The following RAI1 variants were observed in gnomAD, a reference collection of about 807,000 sequenced individuals.
The protein encoded by RAI1 is retinoic acid induced 1, also known as retinoic acid-induced protein 1.
A neutral mutation model predicts 123.8 loss-of-function variants in RAI1; 9 were observed. That is an observed-to-expected ratio of 0.07 (90% CI 0.04 to 0.13). The LOEUF (loss-of-function observed/expected upper bound fraction) is 0.13, where lower values mean the gene tolerates loss of function less well. Among genes scored for constraint, RAI1 ranks in the 10% least tolerant of loss-of-function variants. RAI1 has a pLI of 1.00. For missense variants in RAI1, 2,256 were observed against 2,545.8 expected, an observed-to-expected ratio of 0.89 and a Z score of 2.45; for synonymous variants, 1,231 against 1,127.3, an observed-to-expected ratio of 1.09 and a Z score of -1.84.
chr17:17,718,056 C>G (rs1045184660), intron 1 of RAI1, among the ~76,000 whole-genome samples: 9 of 152,174 alleles, frequency 5.9e-5, no homozygotes, highest in African/African-American at 2.2e-4. Flanking sequence ...GAAGACGCCT[C>G]GGTCTTGGCC....
intron 2 of RAI1, among the ~76,000 whole-genome samples, chr17:17,788,122 C>T (rs2031890120): frequency 6.6e-6 from 1 of 152,142 alleles, no homozygotes; most frequent in Non-Finnish European, 1.5e-5. Context: ...CCGTGGGATT[C>T]TTCCTTGAGC....
At chr17:17,746,375 G>A (rs1221920096) in intron 2 of RAI1, among the ~76,000 whole-genome samples, 2 of 152,206 alleles carry the variant, frequency 1.3e-5, no homozygotes, top group African/African-American at 4.8e-5. Context: ...CTTTCAGAGC[G>A]AGGCAGGCAG....
Position 17,798,197 on chromosome 17 carries a change from C to G in RAI1, c.5249C>G (p.Thr1750Ser). 2.5e-6 allele frequency: 4 copies of G among 1,612,790 alleles called. No individual in the cohort carries two copies. The highest frequency in any genetic ancestry group is 1.7e-6 in the Non-Finnish European group (2 of 1,179,858). ...GGTCCCGAGTGTGCAGCTGCCGCCA[C>G]TGCCGGGAAGCCCCCCAGGCCTGAC... is the stretch of plus-strand genomic sequence containing the variant. ...LKGPECAAAA[T>S]AGKPPRPDGP... The change falls in exon 3 of 6, where the codon ACT becomes AGT. Residue 1750 changes from threonine to serine, a missense_variant. Coordinates refer to ENST00000353383, the MANE Select transcript of RAI1 (RefSeq NM_030665.4).
rs1455069368 is a variant in RAI1, at chr17:17,800,883, G to A, written c.5565+2370G>A. ...CTGGTTCAAATCCCAGCTCTGCCGA[G>A]GGCTGGTTCCATAGCTCCAGGCGAG... On this transcript the variant is annotated intron_variant, in intron 3 of 5. Coordinates refer to ENST00000353383, the MANE Select transcript of RAI1 (RefSeq NM_030665.4). The surrounding 1 kb of genome is among the most constrained non-coding windows in gnomAD (Gnocchi z 4.7). Among the ~76,000 whole-genome samples the A allele has an allele frequency of 6.6e-6, 1 of 152,234 alleles. No individual in the cohort carries two copies. The highest frequency in any genetic ancestry group is 2.4e-5 in the African/African-American group (1 of 41,458).
Position 17,810,839 on chromosome 17 carries a change from G to A in RAI1, c.*858G>A, listed in dbSNP as rs201177542. The stretch of plus-strand genomic sequence containing the variant: ...CGCGCGACCGTTGTGCACCACCAGG[G>A]ACCGCCGCGCCTACTCTGCACGGGA... On this transcript the variant is annotated 3_prime_UTR_variant, in exon 6 of 6. Transcript: ENST00000353383. The surrounding 1 kb of genome is among the most constrained non-coding windows in gnomAD (Gnocchi z 4.6). The A allele has an allele frequency of 3.1e-5, 14 of 453,434 alleles. No individual in the cohort carries two copies. Among genetic ancestry groups the A allele is most frequent in the Admixed American group, 3.1e-4 (13 of 42,436 alleles). 28.1% of individuals were successfully genotyped at this position (453,434 alleles called of 1,614,324 possible). A position where few individuals can be genotyped will look rare whatever the true frequency, so the allele number is the denominator to read the frequency against.
At chr17:17,763,043 C>G (rs1160318075) in intron 2 of RAI1, among the ~76,000 whole-genome samples, 2 of 131,088 alleles carry the variant, frequency 1.5e-5, no homozygotes, top group East Asian at 3.9e-4. Context: ...CAAATGGAGG[C>G]TTTTCTGGAA....
rs2032726163 is a variant in RAI1, at chr17:17,810,661, G to T, written c.*680G>T. The T allele has an allele frequency of 2.7e-6, 1 of 365,886 alleles. No homozygotes were observed. The highest frequency in any genetic ancestry group is 2.1e-5 in the African/African-American group (1 of 47,244). 22.7% of individuals were successfully genotyped at this position (365,886 alleles called of 1,614,324 possible). A position where few individuals can be genotyped will look rare whatever the true frequency, so the allele number is the denominator to read the frequency against. On this transcript the variant is annotated 3_prime_UTR_variant, in exon 6 of 6. Coordinates refer to ENST00000353383, the MANE Select transcript of RAI1 (RefSeq NM_030665.4). The surrounding 1 kb of genome is among the most constrained non-coding windows in gnomAD (Gnocchi z 4.6). ...CCGGGGTAGACCTGGGCTATGCTCA[G>T]TTAGGGGTTGCGGGATCCCCGAGTG...
rs200142647 is a variant in RAI1 at position 17,797,978 on chromosome 17, C to T, written c.5030C>T (p.Ser1677Phe). 2 of 1,614,106 alleles carry T rather than the reference C, an allele frequency of 1.2e-6. No individual in the cohort carries two copies. The highest frequency in any genetic ancestry group is 1.7e-6 in the Non-Finnish European group (2 of 1,180,022). The change falls in exon 3 of 6, where the codon TCC becomes TTC. Residue 1677 changes from serine (S) to phenylalanine (F), a missense_variant. Ser to Phe is a radical substitution (Grantham distance 155). Around this residue, in one of 7 missense-constraint regions of RAI1, gnomAD observed 243 missense variants for 316.6 expected, o/e 0.77. Coordinates refer to ENST00000353383, the MANE Select transcript of RAI1 (RefSeq NM_030665.4). ...ACGATGCACTTGGGGCCTGTGGTTT[C>T]CAAGGCCCTGAGTACCTCTTGCCTT... is the stretch of plus-strand genomic sequence containing the variant. ...SSTMHLGPVV[S>F]KALSTSCLVC...
Position 17,776,658 on chromosome 17 carries a change from C to CTTTTTTT in RAI1, c.-16-16254_-16-16248dup, listed in dbSNP as rs3075548. Reference sequence around the variant, plus strand: ...GGCATGAGCCACCGTGCCTGGCTCACTTTTTTTTTTTTTTTTTTTTTTTTT... The same window carrying CTTTTTTT: ...GGCATGAGCCACCGTGCCTGGCTCACTTTTTTTTTTTTTTTTTTTTTTTTTTTTTTTT... On this transcript the variant is annotated intron_variant, in intron 2 of 5. Transcript: ENST00000353383. 3.4e-3 allele frequency: 204 copies of CTTTTTTT among 59,354 alleles called. 15 individuals carry two copies. The highest frequency in any genetic ancestry group is 0.014 in the African/African-American group (187 of 12,926). 3.7% of individuals were successfully genotyped at this position (59,354 alleles called of 1,614,324 possible). A position where few individuals can be genotyped will look rare whatever the true frequency, so the allele number is the denominator to read the frequency against.
chr17:17,681,640 C>A lies in RAI1; in HGVS notation c.-302C>A. On this transcript the variant is annotated 5_prime_UTR_variant, in exon 1 of 6. Transcript: ENST00000353383. ...GCCGCCCTGCCCGCGGCCCTAGCGC[C>A]GGCGCGAGGAGGGGGCGCCGCGGCC... 1 of 209,268 alleles carries A rather than the reference C, an allele frequency of 4.8e-6. No individual in the cohort carries two copies. The highest frequency in any genetic ancestry group is 6.0e-5 in the Admixed American group (1 of 16,736). The allele number at this position is 209,268 out of a possible 1,614,324, so 13.0% of individuals were successfully genotyped here. A position where few individuals can be genotyped will look rare whatever the true frequency, so the allele number is the denominator to read the frequency against.
intron 2 of RAI1, among the ~76,000 whole-genome samples, chr17:17,755,678 C>T (rs1313082374): frequency 2.6e-5 from 4 of 152,200 alleles, no homozygotes; most frequent in African/African-American, 9.6e-5. Context: ...TTATCCTATC[C>T]TGGGCCCAGC....
At chr17:17,753,504 T>TA (rs1338538181) in intron 2 of RAI1, among the ~76,000 whole-genome samples, 1 of 152,196 alleles carries the variant, frequency 6.6e-6, no homozygotes, top group Non-Finnish European at 1.5e-5. Flanking sequence ...CTGGGGTATA[T>TA]ACATTGTTTC....
chr17:17,686,095 C>T (rs981210229), intron 1 of RAI1, among the ~76,000 whole-genome samples: 7 of 152,258 alleles, frequency 4.6e-5, no homozygotes, highest in Non-Finnish European at 8.8e-5. Flanking sequence ...GCATCGAGGC[C>T]TGAAAGCACG....
chr17:17,805,626 C>T (rs1229948142), intron 4 of RAI1, among the ~76,000 whole-genome samples: 1 of 152,234 alleles, frequency 6.6e-6, no homozygotes, highest in Non-Finnish European at 1.5e-5. Flanking sequence ...TCAGCCCAGC[C>T]AAGCTGCCCC....
rs1002752702 is a variant in RAI1, at chr17:17,810,043, G to A, written c.*62G>A. 8.4e-6 allele frequency: 13 copies of A among 1,541,298 alleles called. No homozygotes were observed. Among genetic ancestry groups the A allele is most frequent in the African/African-American group, 1.4e-5 (1 of 72,634 alleles). The stretch of plus-strand genomic sequence containing the variant: ...CGCCTGCCCGCCCGCCGCCGAAGGA[G>A]AGGAGCCGCCTGCGCAGCCCCCGGG... On this transcript the variant is annotated 3_prime_UTR_variant, in exon 6 of 6. Coordinates refer to ENST00000353383, the MANE Select transcript of RAI1 (RefSeq NM_030665.4). This position sits in a 1 kb window ranked among gnomAD's most constrained non-coding sequence, Gnocchi z 4.6.
chr17:17,712,407 G>T (rs1364958022), intron 1 of RAI1, among the ~76,000 whole-genome samples: 4 of 152,248 alleles, frequency 2.6e-5, no homozygotes. Context: ...GGCTATGCTA[G>T]GTGTGTTAGA....
rs1158475382 is a variant in RAI1, at chr17:17,754,191, C to CTTTTTT, written c.-17+30057_-17+30062dup. 2.6e-3 allele frequency among the ~76,000 whole-genome samples: 200 copies of CTTTTTT among 75,714 alleles called. 17 individuals carry two copies. The highest frequency in any genetic ancestry group is 6.3e-3 in the African/African-American group (110 of 17,356). 49.7% of individuals were successfully genotyped at this position (75,714 alleles called of 152,430 possible). ...TTTTATGCCATTCGCCTAACCCAAT[C>CTTTTTT]TTTTTTTTTTTTTTTTTTTTTTTTT... On this transcript the variant is annotated intron_variant, in intron 2 of 5. Transcript: ENST00000353383.
At chr17:17,704,421 G>A (rs1238346348) in intron 1 of RAI1, among the ~76,000 whole-genome samples, 1 of 152,114 alleles carries the variant, frequency 6.6e-6, no homozygotes, top group Admixed American at 6.5e-5. Context: ...GTGGTGGGGT[G>A]GTCAGAATGG....
At chr17:17,716,724 GTGTCTGGCCCACA>G (rs1915725491) in intron 1 of RAI1, among the ~76,000 whole-genome samples, 1 of 80,058 alleles carries the variant, frequency 1.2e-5, no homozygotes, top group African/African-American at 6.3e-5. Context: ...TGGCCCACAT[GTGTCTGGCCCACA>G]TATGCTGGCC....
Sources: gnomAD v4.1 joint callset for allele counts (sites outside exome capture counted in the v4.1 genomes callset) on GRCh38, gnomAD v4.1.1 for gene constraint, gnomAD v4.1.1 regional missense constraint, Gnocchi (gnomAD v3.1) non-coding constraint, MANE v1.5 for transcripts, NCBI Gene and HGNC (gene_info 2026-07-23, HGNC 2026-07-21) for gene names.